ANK3: variants seen among roughly 807,000 people sequenced by gnomAD.
ANK3 encodes the protein ankyrin-3.
ANK3 carries 57 observed loss-of-function variants against 370.9 expected under a neutral mutation model. The ratio of observed to expected loss-of-function variants is 0.15; its 90% CI spans 0.12 to 0.19. The LOEUF (loss-of-function observed/expected upper bound fraction) is 0.19, where lower values mean the gene tolerates loss of function less well. ANK3 is among the 10% of genes least tolerant of loss of function. The pLI, the probability that ANK3 is intolerant of heterozygous loss-of-function variation, is 1.00. For synonymous variants in ANK3, 1,929 were observed against 1,946.3 expected (o/e 0.99, Z 0.23); for missense variants, 4,439 against 5,302.1 (o/e 0.84, Z 5.06).
chr10:60,495,305 G>A (rs1224967960), intron 2 of ANK3, among the ~76,000 whole-genome samples: 1 of 152,150 alleles, frequency 6.6e-6, no homozygotes, highest in Non-Finnish European at 1.5e-5. Flanking sequence ...TCAAAATGTG[G>A]TCCAGGGATG....
At chr10:60,231,636 C>T (rs546166122) in intron 8 of ANK3, among the ~76,000 whole-genome samples, 1 of 152,290 alleles carries the variant, frequency 6.6e-6, no homozygotes, top group Admixed American at 6.5e-5. Flanking sequence ...CTTTCACCCA[C>T]ACACCCAATC....
intron 2 of ANK3, among the ~76,000 whole-genome samples, chr10:60,553,541 T>C (rs1314497001): frequency 6.6e-6 from 1 of 152,078 alleles, no homozygotes; most frequent in African/African-American, 2.4e-5. Context: ...GCTGCTCAGG[T>C]GTTATCCAGA....
chr10:60,090,815 TG>T (rs1298398510), intron 28 of ANK3, among the ~76,000 whole-genome samples: 2 of 152,196 alleles, frequency 1.3e-5, no homozygotes, highest in African/African-American at 4.8e-5. Flanking sequence ...TTACTGCAAG[TG>T]GGTGTGAATG....
intron 1 of ANK3, among the ~76,000 whole-genome samples, chr10:60,321,338 T>G (rs1474364161): frequency 1.4e-5 from 2 of 144,308 alleles, no homozygotes; most frequent in Non-Finnish European, 3.0e-5. Context: ...CACAGAGACA[T>G]GCAGTAAGAC....
Position 60,156,571 on chromosome 10 carries a change from G to A in ANK3, c.2614+10020C>T, listed in dbSNP as rs148736284. Among the ~76,000 whole-genome samples the A allele has an allele frequency of 4.2e-3, 636 of 152,310 alleles. 5 individuals carry two copies. The highest frequency in any genetic ancestry group is 0.015 in the African/African-American group (609 of 41,564). ...ATTATCCCTCCCCCAACTCCAGGCA[G>A]CCTGGTGCAGAGACTGACTTCCTTT... On this transcript the variant is annotated intron_variant, in intron 23 of 43. Transcript: ENST00000280772.
chr10:60,160,277 C>T (rs1202488371), intron 23 of ANK3, among the ~76,000 whole-genome samples: 2 of 151,948 alleles, frequency 1.3e-5, no homozygotes, highest in African/African-American at 2.4e-5. Context: ...TGAGCAACTA[C>T]TATATGCCAA....
chr10:60,294,268 G>C (rs949674476), intron 1 of ANK3, among the ~76,000 whole-genome samples: 2 of 152,046 alleles, frequency 1.3e-5, no homozygotes, highest in African/African-American at 2.4e-5. Context: ...TATATGGTGC[G>C]AATCAGATAG....
rs767529044 is a variant in ANK3 at position 60,086,774 on chromosome 10, T to C, written c.3651A>G (p.Thr1217=). 5.6e-6 allele frequency: 9 copies of C among 1,613,912 alleles called. No individual in the cohort carries two copies. The highest frequency in any genetic ancestry group is 2.2e-5 in the East Asian group (1 of 44,868). ...PRRRKFHKPI[T]MTIPVPPPSG... is the part of the protein sequence containing the mutation. ...AGGGCGGGGGCACCGGAATGGTCAT[T>C]GTGATTGGTTTATGGAATTTCCGTC... Residue 1217 remains threonine, a synonymous_variant, in exon 30 of 44, where the codon ACA becomes ACG. Coordinates refer to ENST00000280772, the MANE Select transcript of ANK3 (RefSeq NM_020987.5).
chr10:60,201,581 CA>C (rs142528598), intron 12 of ANK3, among the ~76,000 whole-genome samples: 204 of 152,256 alleles, frequency 1.3e-3, no homozygotes, highest in African/African-American at 4.6e-3. Context: ...ATGGTTCCTA[CA>C]GAGCAATGTT....
At chr10:60,384,299 A>T (rs756491035) in intron 1 of ANK3, among the ~76,000 whole-genome samples, 3 of 152,204 alleles carry the variant, frequency 2.0e-5, no homozygotes, top group Non-Finnish European at 4.4e-5. Context: ...AAAAAATTTT[A>T]AAAAAGAATC....
At chr10:60,206,632 C>T (rs770481146) in intron 10 of ANK3, among the ~76,000 whole-genome samples, 16 of 152,138 alleles carry the variant, frequency 1.1e-4, no homozygotes, top group Admixed American at 9.2e-4. Flanking sequence ...AGCTCTAAAA[C>T]GTTTTGATTT....
chr10:60,440,253 C>T (rs1391819598), intron 2 of ANK3, among the ~76,000 whole-genome samples: 3 of 151,982 alleles, frequency 2.0e-5, no homozygotes, highest in Non-Finnish European at 4.4e-5. Flanking sequence ...TAGAAGTGGC[C>T]TAGTGTAGTA....
intron 1 of ANK3, among the ~76,000 whole-genome samples, chr10:60,641,162 T>C (rs1437573030): frequency 2.7e-5 from 4 of 149,512 alleles, no homozygotes; most frequent in Non-Finnish European, 4.5e-5. Flanking sequence ...CATTCCATGC[T>C]CATGGATAGG....
intron 2 of ANK3, among the ~76,000 whole-genome samples, chr10:60,482,801 T>A (rs141066807): frequency 7.2e-5 from 11 of 152,154 alleles, no homozygotes; most frequent in African/African-American, 2.4e-4. Flanking sequence ...ACCAACATCT[T>A]AAGAAGACTC....
At chr10:60,631,041 A>G (rs1254359303) in intron 1 of ANK3, among the ~76,000 whole-genome samples, 1 of 152,170 alleles carries the variant, frequency 6.6e-6, no homozygotes. Context: ...GGGGGAATCA[A>G]TTATGACTCC....
intron 25 of ANK3, among the ~76,000 whole-genome samples, chr10:60,126,529 T>C (rs1254763843): frequency 6.6e-6 from 1 of 151,698 alleles, no homozygotes; most frequent in Non-Finnish European, 1.5e-5. Context: ...CTACTAAAAA[T>C]ACAAAAAAAT....
intron 2 of ANK3, among the ~76,000 whole-genome samples, chr10:60,438,289 G>C (rs2064208722): frequency 6.6e-6 from 1 of 151,914 alleles, no homozygotes; most frequent in Admixed American, 6.6e-5. Context: ...TGAAGAGTGA[G>C]GCTTGGATGG....
chr10:60,101,884 G>A (rs1321633316), intron 28 of ANK3, among the ~76,000 whole-genome samples: 1 of 151,984 alleles, frequency 6.6e-6, no homozygotes, highest in Non-Finnish European at 1.5e-5. Flanking sequence ...AATACCAGCT[G>A]ACATATATGT....
chr10:60,381,570 A>T (rs778078634), intron 1 of ANK3, among the ~76,000 whole-genome samples: 1 of 152,156 alleles, frequency 6.6e-6, no homozygotes, highest in East Asian at 1.9e-4. Flanking sequence ...TCGAGTGCTT[A>T]TAAGGTGCAA....
Sources: allele counts gnomAD v4.1 joint callset (sites outside exome capture counted in the v4.1 genomes callset), GRCh38; gene constraint gnomAD v4.1.1; transcripts MANE v1.5; gene names NCBI Gene and HGNC (gene_info 2026-07-23, HGNC 2026-07-21).